Variants in GRM1 observed in about 807,000 individuals in gnomAD.
The protein encoded by GRM1 is metabotropic glutamate receptor 1.
Under a neutral mutation model 90.9 loss-of-function variants are expected in GRM1, and 33 were observed. The observed-to-expected ratio is 0.36, with a 90% CI of 0.28 to 0.49. The LOEUF (loss-of-function observed/expected upper bound fraction) is 0.49. Ranked by LOEUF, GRM1 falls within the 20% of genes least tolerant of loss-of-function variation. The probability of loss-of-function intolerance (pLI) is 0.99; values close to 1 mark genes in which losing one functional copy is unlikely to be tolerated. For synonymous variants in GRM1, 700 were observed against 613.2 expected, an observed-to-expected ratio of 1.14 and a Z score of -2.09; for missense variants, 1,190 against 1,534.3, an observed-to-expected ratio of 0.78 and a Z score of 3.75.
intron 2 of GRM1, among the ~76,000 whole-genome samples, chr6:146,225,073 C>T (rs1445245447): frequency 6.6e-6 from 1 of 152,092 alleles, no homozygotes; most frequent in Non-Finnish European, 1.5e-5. Context: ...TTCTCCTTAG[C>T]CCTCTAGGTA....
intron 5 of GRM1, among the ~76,000 whole-genome samples, chr6:146,384,290 G>C (rs1219579965): frequency 6.6e-6 from 1 of 152,110 alleles, no homozygotes; most frequent in African/African-American, 2.4e-5. Flanking sequence ...ACACTTAGTA[G>C]GGAGTTGGAT....
chr6:146,362,679 A>T (rs2115067014), intron 5 of GRM1, among the ~76,000 whole-genome samples: 1 of 151,800 alleles, frequency 6.6e-6, no homozygotes, highest in East Asian at 1.9e-4. Context: ...AAAAAAAAAA[A>T]AAAAAAAGAC....
chr6:146,272,697 T>A (rs1046413183), intron 2 of GRM1, among the ~76,000 whole-genome samples: 15 of 152,172 alleles, frequency 9.9e-5, no homozygotes, highest in African/African-American at 3.6e-4. Context: ...TGAGGAGGCT[T>A]GTGTGAAAAG....
Position 146,344,926 on chromosome 6 carries a change from C to T in GRM1, c.1187-7324C>T, listed in dbSNP as rs13206964. Reference sequence around the variant, plus strand: ...TCCCAGGTTCAAGCGATTCTCCTGCCTCAGCCTCCCTAGTAGCTGGGATTC... The same window carrying T: ...TCCCAGGTTCAAGCGATTCTCCTGCTTCAGCCTCCCTAGTAGCTGGGATTC... On this transcript the variant is annotated intron_variant, in intron 3 of 7. Transcript: ENST00000282753. Among the ~76,000 whole-genome samples the T allele has an allele frequency of 2.2e-3, 328 of 152,306 alleles. 2 individuals carry two copies. Among genetic ancestry groups the T allele is most frequent in the Non-Finnish European group, 2.9e-3 (200 of 68,038 alleles).
At chr6:146,286,484 A>G (rs1375648567) in intron 2 of GRM1, among the ~76,000 whole-genome samples, 2 of 152,204 alleles carry the variant, frequency 1.3e-5, no homozygotes, top group Non-Finnish European at 2.9e-5. Context: ...GATTATCTCT[A>G]TAAACTAAAT....
chr6:146,099,644 G>A (rs1366887302), intron 1 of GRM1, among the ~76,000 whole-genome samples: 3 of 152,098 alleles, frequency 2.0e-5, no homozygotes, highest in African/African-American at 7.2e-5. Context: ...ATATAAGTGG[G>A]ACCATTTATA....
intron 7 of GRM1, among the ~76,000 whole-genome samples, chr6:146,414,686 G>A (rs1283852757): frequency 6.6e-6 from 1 of 152,230 alleles, no homozygotes; most frequent in Non-Finnish European, 1.5e-5. Flanking sequence ...ACAGGTGTGA[G>A]CCACCACACC....
At chr6:146,101,278 A>G (rs1777040814) in intron 1 of GRM1, among the ~76,000 whole-genome samples, 2 of 152,184 alleles carry the variant, frequency 1.3e-5, no homozygotes, top group African/African-American at 2.4e-5. Context: ...TGATACTGCT[A>G]TATAAACCCA....
chr6:146,066,770 G>C (rs879500193), intron 1 of GRM1, among the ~76,000 whole-genome samples: 199 of 147,806 alleles, frequency 1.3e-3, no homozygotes, highest in Non-Finnish European at 1.3e-3. Flanking sequence ...GACAGGCAGA[G>C]AGAGAGAGAG....
chr6:146,341,050 T>C, intron 3 of GRM1, among the ~76,000 whole-genome samples: 1 of 152,336 alleles, frequency 6.6e-6, no homozygotes, highest in South Asian at 2.1e-4. Context: ...AGAGTTCTGC[T>C]GTACTACCAC....
At chr6:146,148,715 C>A (rs1399098255) in intron 1 of GRM1, among the ~76,000 whole-genome samples, 1 of 151,902 alleles carries the variant, frequency 6.6e-6, no homozygotes, top group South Asian at 2.1e-4. Context: ...AATTTTTTAC[C>A]AAAAAGATGA....
rs185888812 is a variant in GRM1, at chr6:146,364,172, T to C, written c.1602+6478T>C. Among the ~76,000 whole-genome samples the C allele has an allele frequency of 2.6e-5, 4 of 152,342 alleles. No homozygotes were observed. In the East Asian group the frequency reaches 7.7e-4, roughly 29 times the overall value. On this transcript the variant is annotated intron_variant, in intron 5 of 7. Coordinates refer to ENST00000282753, the MANE Select transcript of GRM1 (RefSeq NM_001278064.2). ...TCAGAGTTTAAAGTGTGTCACATTG[T>C]GACTGTATTTCCTTTTACCTCTAGC...
intron 2 of GRM1, chr6:146,171,596 T>C (rs914678393): frequency 8.0e-6 from 2 of 249,380 alleles, no homozygotes. Flanking sequence ...GGTTGAAAAT[T>C]GGCTGCAACA....
At chr6:146,264,093 A>G (rs1781790659) in intron 2 of GRM1, among the ~76,000 whole-genome samples, 1 of 152,122 alleles carries the variant, frequency 6.6e-6, no homozygotes, top group Non-Finnish European at 1.5e-5. Flanking sequence ...AATTTTTGCT[A>G]AATAAAAATC....
chr6:146,406,152 G>A (rs1321792249), intron 7 of GRM1, among the ~76,000 whole-genome samples: 1 of 152,172 alleles, frequency 6.6e-6, no homozygotes, highest in Non-Finnish European at 1.5e-5. Flanking sequence ...ATAAGAGAGA[G>A]ATCATCTGGT....
chr6:146,381,021 T>G (rs1248380821), intron 5 of GRM1, among the ~76,000 whole-genome samples: 1 of 152,122 alleles, frequency 6.6e-6, no homozygotes. Flanking sequence ...CCCAACTCTT[T>G]CCTCTCCTTT....
chr6:146,317,433 C>A (rs1583316078), intron 3 of GRM1, among the ~76,000 whole-genome samples: 1 of 151,928 alleles, frequency 6.6e-6, no homozygotes, highest in South Asian at 2.1e-4. Context: ...CCTTTTAGAC[C>A]CTGGTCACAG....
At chr6:146,055,662 G>A (rs904252258) in intron 1 of GRM1, among the ~76,000 whole-genome samples, 6 of 152,074 alleles carry the variant, frequency 3.9e-5, no homozygotes, top group African/African-American at 1.4e-4. Context: ...CTGACAGCAC[G>A]TAGGCAGCAT....
intron 2 of GRM1, among the ~76,000 whole-genome samples, chr6:146,200,986 C>A (rs1187302295): frequency 6.6e-6 from 1 of 151,992 alleles, no homozygotes; most frequent in Non-Finnish European, 1.5e-5. Context: ...CATGAGATTC[C>A]CCATGTCTCA....
Sources: gnomAD v4.1 joint callset for allele counts (sites outside exome capture counted in the v4.1 genomes callset) on GRCh38, gnomAD v4.1.1 for gene constraint, MANE v1.5 for transcripts, NCBI Gene and HGNC (gene_info 2026-07-23, HGNC 2026-07-21) for gene names.